The following QTMAN variants were observed in gnomAD, a reference collection of about 807,000 sequenced individuals.
QTMAN encodes the protein queuosine-tRNA mannosyltransferase.
chr2:144,325,528 A>C, the QTMAN span, among the ~76,000 whole-genome samples: 6 of 151,850 alleles, frequency 4.0e-5, no homozygotes, highest in Non-Finnish European at 8.8e-5. Context: ...AAAAAAAAAA[A>C]TCAAGATTGA....
chr2:143,977,959 C>A, the QTMAN span, among the ~76,000 whole-genome samples: 1 of 152,162 alleles, frequency 6.6e-6, no homozygotes, highest in Non-Finnish European at 1.5e-5. Flanking sequence ...CTCCACAATT[C>A]GCCATTCATG....
At chr2:144,202,475 G>GT in the QTMAN span, among the ~76,000 whole-genome samples, 9 of 152,098 alleles carry the variant, frequency 5.9e-5, no homozygotes, top group Non-Finnish European at 8.8e-5. Flanking sequence ...AAGCAACTAG[G>GT]TAAGAAGTGC....
At chr2:144,141,964 G>C in the QTMAN span, 1 of 1,610,620 alleles carries the variant, frequency 6.2e-7, no homozygotes, top group Admixed American at 1.7e-5. Context: ...TTGGGTCTGT[G>C]ATCAGGAATC....
chr2:144,208,677 T>C, the QTMAN span: 2 of 1,613,954 alleles, frequency 1.2e-6, no homozygotes, highest in South Asian at 1.1e-5. Flanking sequence ...GCCATTTCTT[T>C]GCAGGAAGGG....
the QTMAN span, among the ~76,000 whole-genome samples, chr2:143,974,736 T>C: frequency 6.6e-6 from 1 of 152,314 alleles, no homozygotes; most frequent in Non-Finnish European, 1.5e-5. Context: ...TTCTATTGTT[T>C]CTTTAATAAA....
chr2:144,254,397 G>C, the QTMAN span, among the ~76,000 whole-genome samples: 1 of 152,148 alleles, frequency 6.6e-6, no homozygotes, highest in African/African-American at 2.4e-5. Context: ...ACTCCAGCCT[G>C]GGTGACAGGG....
At chr2:144,316,631 G>A in the QTMAN span, among the ~76,000 whole-genome samples, 7 of 152,072 alleles carry the variant, frequency 4.6e-5, no homozygotes, top group Non-Finnish European at 8.8e-5. Context: ...AATAATAAAG[G>A]CAACCCATTA....
the QTMAN span, among the ~76,000 whole-genome samples, chr2:144,143,940 G>A: frequency 3.3e-5 from 5 of 151,888 alleles, no homozygotes; most frequent in Admixed American, 6.6e-5. Flanking sequence ...GGAAGCAGGA[G>A]TCATACTTTT....
At chr2:144,142,157 C>A in the QTMAN span, 36 of 721,302 alleles carry the variant, frequency 5.0e-5, no homozygotes, top group Non-Finnish European at 7.1e-5. Context: ...TTATACTACA[C>A]CTTAGGTTTG....
chr2:144,317,786 T>C, the QTMAN span, among the ~76,000 whole-genome samples: 5 of 152,312 alleles, frequency 3.3e-5, no homozygotes, highest in South Asian at 8.3e-4. Context: ...AATCAATTAA[T>C]GGCTCAAGAA....
At chr2:144,223,847 C>G in the QTMAN span, among the ~76,000 whole-genome samples, 1 of 152,186 alleles carries the variant, frequency 6.6e-6, no homozygotes, top group Non-Finnish European at 1.5e-5. Context: ...ACTGACCCTC[C>G]TCCTGATACT....
At chr2:144,035,803 C>T in the QTMAN span, among the ~76,000 whole-genome samples, 1 of 152,154 alleles carries the variant, frequency 6.6e-6, no homozygotes, top group African/African-American at 2.4e-5. Flanking sequence ...TGAAATATCA[C>T]ATCAATTTAG....
the QTMAN span, among the ~76,000 whole-genome samples, chr2:144,225,396 G>A: frequency 6.6e-6 from 1 of 151,992 alleles, no homozygotes; most frequent in African/African-American, 2.4e-5. Flanking sequence ...TTCTTCCTCT[G>A]AAATTTATAG....
the QTMAN span, among the ~76,000 whole-genome samples, chr2:144,089,268 G>A: frequency 6.6e-6 from 1 of 151,692 alleles, no homozygotes; most frequent in East Asian, 1.9e-4. Context: ...CAGTCAGAAT[G>A]GCTATTATTA....
the QTMAN span, among the ~76,000 whole-genome samples, chr2:144,133,294 T>C: frequency 1.8e-5 from 1 of 55,448 alleles, no homozygotes; most frequent in African/African-American, 7.8e-5. Flanking sequence ...CATATATAAA[T>C]ATATATGTTC....
At chr2:144,022,937 C>A in the QTMAN span, among the ~76,000 whole-genome samples, 2 of 151,992 alleles carry the variant, frequency 1.3e-5, no homozygotes, top group South Asian at 4.1e-4. Context: ...TATAAAAATC[C>A]TATTTAGTCC....
chr2:144,045,719 T>C, the QTMAN span, among the ~76,000 whole-genome samples: 1 of 152,240 alleles, frequency 6.6e-6, no homozygotes, highest in East Asian at 1.9e-4. Flanking sequence ...GTAACAGGGC[T>C]ATACTAAGTG....
chr2:144,133,173 A>T, the QTMAN span, among the ~76,000 whole-genome samples: 14 of 54,360 alleles, frequency 2.6e-4, no homozygotes, highest in Middle Eastern at 6.7e-3. Flanking sequence ...TATATATATA[A>T]ATATATATAA....
At chr2:143,968,642 T>C in the QTMAN span, among the ~76,000 whole-genome samples, 1 of 152,172 alleles carries the variant, frequency 6.6e-6, no homozygotes, top group Non-Finnish European at 1.5e-5. Context: ...AGCCTTCTGA[T>C]GGGGGGAATT....
Sources: allele counts gnomAD v4.1 joint callset (sites outside exome capture counted in the v4.1 genomes callset), GRCh38; gene constraint gnomAD v4.1.1; transcripts MANE v1.5; gene names NCBI Gene and HGNC (gene_info 2026-07-23, HGNC 2026-07-21).